Variants in GRIK4 observed in about 807,000 individuals in gnomAD.
The protein encoded by GRIK4 is glutamate receptor ionotropic, kainate 4.
GRIK4 carries 40 observed loss-of-function variants against 104.9 expected under a neutral mutation model. The observed-to-expected ratio is 0.38, with a 90% confidence interval of 0.30 to 0.50. GRIK4 has a LOEUF of 0.50. Ranked by LOEUF, GRIK4 falls within the 20% of genes least tolerant of loss-of-function variation. The probability of loss-of-function intolerance (pLI) is 0.93; values close to 1 mark genes in which losing one functional copy is unlikely to be tolerated. For synonymous variants in GRIK4, 485 were observed against 524.9 expected, an observed-to-expected ratio of 0.92 and a Z score of 1.04; for missense variants, 1,047 against 1,308.1, an observed-to-expected ratio of 0.80 and a Z score of 3.08.
At chr11:120,659,761 G>A (rs114675640) in intron 2 of GRIK4, among the ~76,000 whole-genome samples, 4,314 of 152,294 alleles carry the variant, frequency 0.028, 158 homozygotes, top group African/African-American at 0.082. Flanking sequence ...ACAAAGGCTC[G>A]CTCTGTCGTC....
intron 1 of GRIK4, among the ~76,000 whole-genome samples, chr11:120,516,842 A>G (rs1947732501): frequency 1.3e-5 from 2 of 152,042 alleles, no homozygotes; most frequent in Admixed American, 6.5e-5. Context: ...GGTCTGAGGG[A>G]AAGCTGACAG....
At chr11:120,872,430 G>A (rs1407956735) in intron 9 of GRIK4, 1 of 161,054 alleles carries the variant, frequency 6.2e-6, no homozygotes, top group East Asian at 1.7e-4. Context: ...CGGTGTCCCA[G>A]GGCTGGCTAG....
At position 120,987,031 on chromosome 11, in the gene GRIK4, C is replaced by T. The variant is rs373440061; in HGVS notation, c.*771C>T. On this transcript the variant is annotated 3_prime_UTR_variant, in exon 21 of 21. Transcript: ENST00000527524. ...CTTTGAGATGCCAAAAAGCAATTAA[C>T]TCATCCTATACTCAGACCTTGAAAC... is the stretch of plus-strand genomic sequence containing the variant. 8.5e-5 allele frequency: 13 copies of T among 152,214 alleles called. No individual in the cohort carries two copies. Among genetic ancestry groups the T allele is most frequent in the African/African-American group, 2.9e-4 (12 of 41,444 alleles). The allele number at this position is 152,214 out of a possible 1,614,324, so 9.4% of individuals were successfully genotyped here. A position where few individuals can be genotyped will look rare whatever the true frequency, so the allele number is the denominator to read the frequency against.
chr11:120,913,104 C>T (rs919504382), intron 13 of GRIK4, among the ~76,000 whole-genome samples: 2 of 152,204 alleles, frequency 1.3e-5, no homozygotes, highest in African/African-American at 4.8e-5. Flanking sequence ...TTATTATCCC[C>T]ATTTTAGAGC....
At chr11:120,845,499 T>A (rs770787694) in intron 8 of GRIK4, among the ~76,000 whole-genome samples, 1 of 152,180 alleles carries the variant, frequency 6.6e-6, no homozygotes, top group African/African-American at 2.4e-5. Context: ...CCTCTAGCTT[T>A]CCAAAACTCT....
At chr11:120,851,542 G>A (rs894353681) in intron 8 of GRIK4, among the ~76,000 whole-genome samples, 1 of 152,182 alleles carries the variant, frequency 6.6e-6, no homozygotes, top group South Asian at 2.1e-4. Context: ...CTTGAGGACA[G>A]GCATGGAGTG....
At chr11:120,642,913 C>T (rs900333580) in intron 1 of GRIK4, among the ~76,000 whole-genome samples, 1 of 152,170 alleles carries the variant, frequency 6.6e-6, no homozygotes, top group African/African-American at 2.4e-5. Context: ...TGCACTTCCC[C>T]CAGTAGAAAC....
chr11:120,563,324 G>C (rs1050449402), intron 1 of GRIK4, among the ~76,000 whole-genome samples: 2 of 152,088 alleles, frequency 1.3e-5, no homozygotes, highest in African/African-American at 4.8e-5. Flanking sequence ...TTCAGGAGAG[G>C]AACTATGGGA....
chr11:120,799,857 T>C (rs1472901923), intron 3 of GRIK4, among the ~76,000 whole-genome samples: 1 of 152,148 alleles, frequency 6.6e-6, no homozygotes, highest in Admixed American at 6.5e-5. Flanking sequence ...ATTTTATATA[T>C]TTATTTTGTG....
chr11:120,980,538 C>T (rs886407605), intron 19 of GRIK4, among the ~76,000 whole-genome samples: 16 of 152,144 alleles, frequency 1.1e-4, no homozygotes, highest in African/African-American at 3.9e-4. Flanking sequence ...CAGGTGTTAA[C>T]GTAAGATGTG....
At chr11:120,564,235 G>A (rs1263657686) in intron 1 of GRIK4, among the ~76,000 whole-genome samples, 1 of 152,260 alleles carries the variant, frequency 6.6e-6, no homozygotes, top group Non-Finnish European at 1.5e-5. Flanking sequence ...GCTGAATCCA[G>A]CCCCTTGTTA....
chr11:120,630,378 G>A (rs529616751), intron 1 of GRIK4, among the ~76,000 whole-genome samples: 6 of 152,364 alleles, frequency 3.9e-5, no homozygotes, highest in Non-Finnish European at 7.3e-5. Context: ...TTGAAGAAGA[G>A]CAGTGAATAA....
chr11:120,520,674 G>A (rs1451806799), intron 1 of GRIK4, among the ~76,000 whole-genome samples: 2 of 152,250 alleles, frequency 1.3e-5, no homozygotes, highest in Non-Finnish European at 2.9e-5. Flanking sequence ...TGGCTGGCTG[G>A]CCTGGCTGCC....
At chr11:120,719,030 G>GT (rs1039670018) in intron 3 of GRIK4, among the ~76,000 whole-genome samples, 3 of 151,908 alleles carry the variant, frequency 2.0e-5, no homozygotes, top group Non-Finnish European at 4.4e-5. Context: ...GGTTTTGCGG[G>GT]TTTTTTTTAG....
chr11:120,554,409 G>GC (rs1948168158), intron 1 of GRIK4, among the ~76,000 whole-genome samples: 1 of 152,188 alleles, frequency 6.6e-6, no homozygotes, highest in Non-Finnish European at 1.5e-5. Flanking sequence ...CAACCTTGCA[G>GC]CCCCTGCATG....
intron 1 of GRIK4, among the ~76,000 whole-genome samples, chr11:120,536,734 G>A (rs1391433905): frequency 1.3e-5 from 2 of 152,178 alleles, no homozygotes; most frequent in Non-Finnish European, 2.9e-5. Context: ...TACCCTACCG[G>A]ATGAGTGGGG....
intron 6 of GRIK4, among the ~76,000 whole-genome samples, chr11:120,829,017 T>A (rs1953350705): frequency 6.6e-6 from 1 of 152,214 alleles, no homozygotes; most frequent in Non-Finnish European, 1.5e-5. Context: ...GCCTTCCCTG[T>A]CTCGTCCCAC....
At chr11:120,761,408 C>G (rs1951747243) in intron 3 of GRIK4, among the ~76,000 whole-genome samples, 1 of 152,190 alleles carries the variant, frequency 6.6e-6, no homozygotes. Context: ...TCCCTGTTCA[C>G]TCTGATGATA....
chr11:120,915,274 G>A (rs909990641), intron 13 of GRIK4, among the ~76,000 whole-genome samples: 1 of 152,270 alleles, frequency 6.6e-6, no homozygotes, highest in Middle Eastern at 3.4e-3. Context: ...ACATGTTCAT[G>A]CACTCTCTCC....
Sources: allele counts gnomAD v4.1 joint callset (sites outside exome capture counted in the v4.1 genomes callset), GRCh38; gene constraint gnomAD v4.1.1; transcripts MANE v1.5; gene names NCBI Gene and HGNC (gene_info 2026-07-23, HGNC 2026-07-21).